The following CBR4 variants were observed in gnomAD, a reference collection of about 807,000 sequenced individuals.
CBR4 encodes the protein carbonyl reductase 4.
A neutral mutation model predicts 21.0 loss-of-function variants in CBR4; 22 were observed. The ratio of observed to expected loss-of-function variants is 1.05; its 90% CI spans 0.75 to 1.50. The LOEUF (loss-of-function observed/expected upper bound fraction) is 1.50, where lower values mean the gene tolerates loss of function less well. CBR4 is among the 40% of genes most tolerant of loss of function. The pLI is 0.00. For synonymous variants in CBR4, 100 were observed against 104.4 expected, an observed-to-expected ratio of 0.96 and a Z score of 0.26; for missense variants, 302 against 286.3, an observed-to-expected ratio of 1.05 and a Z score of -0.40.
chr4:168,955,355 C>G (rs751705213), intron 2 of CBR4, among the ~76,000 whole-genome samples: 1 of 152,152 alleles, frequency 6.6e-6, no homozygotes, highest in East Asian at 1.9e-4. Flanking sequence ...TAGGAAATGA[C>G]TCTCCAAATA....
chr4:169,007,853 G>A (rs1731051808), intron 1 of CBR4, 97 bp from the exon 2 acceptor site: 2 of 811,358 alleles, frequency 2.5e-6, no homozygotes, highest in South Asian at 1.9e-5. Flanking sequence ...GCAGGCCTGT[G>A]CTAATCTAGA....
chr4:168,925,030 A>G lies in CBR4; in HGVS notation n.170-30265T>C, dbSNP rs1762300357. The G allele has an allele frequency of 6.2e-7, 1 of 1,614,022 alleles. No individual in the cohort carries two copies. The highest frequency in any genetic ancestry group is 1.3e-5 in the African/African-American group (1 of 74,932). On this transcript the variant is annotated intron_variant and non_coding_transcript_variant, in intron 2 of 3. Transcript: ENST00000509108. ...TGCTGGGTGGTATACTGTGTCAGCC[A>G]AGAATGAAGCAGGGATTGTGTCCTG...
At chr4:168,976,922 G>A (rs1378063553) in intron 2 of CBR4, among the ~76,000 whole-genome samples, 2 of 152,218 alleles carry the variant, frequency 1.3e-5, no homozygotes. Context: ...GGGATATGAT[G>A]GCTTAGCTTG....
In CBR4 at chr4:169,010,065, C is replaced by G. The variant is rs1731290994; in HGVS notation, c.25G>C (p.Gly9Arg). MDKVCAVF[G>R]GSRGIGRAVA... Reference sequence around the variant, plus strand: ...GCTCTGCCAATGCCTCGGGAGCCTCCAAAAACAGCACACACTTTGTCCATC... The same window carrying G: ...GCTCTGCCAATGCCTCGGGAGCCTCGAAAAACAGCACACACTTTGTCCATC... Residue 9 changes from glycine (G) to arginine (R), a missense_variant, in exon 1 of 5, where the codon GGA becomes CGA. Coordinates refer to ENST00000306193, the MANE Select transcript of CBR4 (RefSeq NM_032783.5). 6.2e-7 allele frequency: 1 copy of G among 1,613,190 alleles called. No individual in the cohort carries two copies. The highest frequency in any genetic ancestry group is 2.2e-5 in the East Asian group (1 of 44,850).
intron 2 of CBR4, among the ~76,000 whole-genome samples, chr4:168,909,878 A>G (rs956647177): frequency 3.9e-5 from 6 of 152,288 alleles, no homozygotes; most frequent in African/African-American, 1.4e-4. Flanking sequence ...TTTTTCCCCC[A>G]AACAAAAATG....
chr4:168,993,296 C>T (rs571227568), intron 4 of CBR4, among the ~76,000 whole-genome samples: 4 of 151,892 alleles, frequency 2.6e-5, no homozygotes, highest in Non-Finnish European at 4.4e-5. Flanking sequence ...CCGCAACCTC[C>T]GCCTCCTGGG....
At chr4:168,943,354 G>A (rs117831910) in intron 2 of CBR4, among the ~76,000 whole-genome samples, 14 of 152,156 alleles carry the variant, frequency 9.2e-5, no homozygotes, top group Admixed American at 9.2e-4. Context: ...ATTTGAGAAA[G>A]CCACCGCACA....
downstream of CBR4, chr4:168,987,469 T>C (rs1434458747): frequency 5.5e-6 from 1 of 182,394 alleles, no homozygotes; most frequent in Non-Finnish European, 1.0e-5. Context: ...GTTACTTAAT[T>C]AGCTAAATGA....
intron 2 of CBR4, among the ~76,000 whole-genome samples, chr4:168,956,346 C>T (rs898272193): frequency 6.6e-6 from 1 of 151,932 alleles, no homozygotes; most frequent in Admixed American, 6.6e-5. Flanking sequence ...TGGCTCACAC[C>T]TGTAATCCTA....
chr4:168,990,412 T>C (rs529622903), intron 4 of CBR4, 84 bp from the exon 5 acceptor site: 25 of 1,265,774 alleles, frequency 2.0e-5, no homozygotes, highest in Non-Finnish European at 2.6e-5. Flanking sequence ...AATTTGTTTC[T>C]GAAAATTTTA....
downstream of CBR4, among the ~76,000 whole-genome samples, chr4:168,984,605 G>T (rs180906608): frequency 1.0e-3 from 156 of 151,742 alleles, no homozygotes; most frequent in Non-Finnish European, 1.8e-3. Flanking sequence ...CATAGCAACA[G>T]CAATCCTAAG....
intron 2 of CBR4, among the ~76,000 whole-genome samples, chr4:168,895,831 TTCAC>T (rs1172215868): frequency 1.3e-5 from 2 of 152,254 alleles, no homozygotes; most frequent in African/African-American, 2.4e-5. Context: ...TTTATCTTCT[TTCAC>T]ATATATACAG....
intron 1 of CBR4, chr4:169,009,146 G>C (rs902855390): frequency 7.2e-6 from 3 of 418,936 alleles, no homozygotes; most frequent in Middle Eastern, 1.4e-3. Flanking sequence ...ATGCCTCCCT[G>C]ATAGTAAATG....
intron 2 of CBR4, among the ~76,000 whole-genome samples, chr4:168,971,436 A>ATTT (rs70961566): frequency 0.012 from 1,358 of 114,014 alleles, 24 homozygotes; most frequent in Middle Eastern, 0.015. Flanking sequence ...TGCCCAGCTC[A>ATTT]TTTTTTTTTT....
At position 168,988,682 on chromosome 4, in the gene CBR4, C is replaced by T. The variant is rs1200911475; in HGVS notation, c.*1468G>A. ...ATTACCACGTCTTGCATTTAATAGA[C>T]AATTTGTTTAATGATACTAACTTTA... On this transcript the variant is annotated 3_prime_UTR_variant, in exon 5 of 5. Coordinates refer to ENST00000306193, the MANE Select transcript of CBR4 (RefSeq NM_032783.5). The T allele has an allele frequency of 1.4e-5, 14 of 981,240 alleles. No individual in the cohort carries two copies. Among genetic ancestry groups the T allele is most frequent in the Middle Eastern group, 5.2e-4 (1 of 1,934 alleles). The allele number at this position is 981,240 out of a possible 1,614,324, so 60.8% of individuals were successfully genotyped here. A position where few individuals can be genotyped will look rare whatever the true frequency, so the allele number is the denominator to read the frequency against.
At chr4:168,926,559 A>C (rs1762607305) in intron 2 of CBR4, 1 of 556,518 alleles carries the variant, frequency 1.8e-6, no homozygotes, top group Middle Eastern at 4.7e-4. Context: ...TAAGTAGATA[A>C]TGCTAATACA....
At chr4:168,986,241 C>T (rs1027248565), downstream of CBR4, among the ~76,000 whole-genome samples, 3 of 152,208 alleles carry the variant, frequency 2.0e-5, no homozygotes, top group South Asian at 4.1e-4. Flanking sequence ...GCAAATACTA[C>T]ACCATTTTAT....
intron 2 of CBR4, among the ~76,000 whole-genome samples, chr4:168,961,964 AG>A (rs1763872436): frequency 1.9e-4 from 3 of 16,020 alleles, no homozygotes; most frequent in South Asian, 5.1e-3. Context: ...AGAGGAGAGG[AG>A]AGGAGAGGAG....
intron 2 of CBR4, among the ~76,000 whole-genome samples, chr4:168,895,271 A>C (rs1338378418): frequency 1.3e-5 from 2 of 152,266 alleles, no homozygotes; most frequent in African/African-American, 4.8e-5. Flanking sequence ...AGTCCCAGCT[A>C]CTCGGGAAGC....
Sources: gnomAD v4.1 joint callset for allele counts (sites outside exome capture counted in the v4.1 genomes callset) on GRCh38, gnomAD v4.1.1 for gene constraint, MANE v1.5 for transcripts, NCBI Gene and HGNC (gene_info 2026-07-23, HGNC 2026-07-21) for gene names.